SVOPL: variants seen among roughly 807,000 people sequenced by gnomAD.
The protein encoded by SVOPL is putative transporter SVOPL.
In SVOPL, 60 loss-of-function variants were observed where a neutral mutation model predicts 61.0. The observed-to-expected ratio is 0.98, with a 90% CI of 0.80 to 1.22. SVOPL has a LOEUF of 1.22. Ranked by LOEUF, SVOPL falls within the 50% of genes most tolerant of loss-of-function variation. The pLI is 0.00. For missense variants in SVOPL, 662 were observed against 643.9 expected, an observed-to-expected ratio of 1.03 and a Z score of -0.30; for synonymous variants, 279 against 250.0, an observed-to-expected ratio of 1.12 and a Z score of -1.09.
intron 14 of SVOPL, among the ~76,000 whole-genome samples, chr7:138,608,347 A>C (rs1269867553): frequency 6.6e-6 from 1 of 152,252 alleles, no homozygotes; most frequent in Non-Finnish European, 1.5e-5. Flanking sequence ...AATAAAAAGA[A>C]CATGTCAGTG....
At position 138,620,160 on chromosome 7, in the gene SVOPL, G is replaced by A. The variant is rs12669322; in HGVS notation, c.1353+886C>T. The stretch of plus-strand genomic sequence containing the variant: ...TTTTTTGAGATAGAGTCTCACTCTC[G>A]CCCAGCCTAGAGTGCAGTGACGCGA... On this transcript the variant is annotated intron_variant, in intron 14 of 15. Coordinates refer to ENST00000674285, the MANE Select transcript of SVOPL (RefSeq NM_001139456.2). Among the ~76,000 whole-genome samples, 33 of 117,874 alleles carry A rather than the reference G, an allele frequency of 2.8e-4. No homozygotes were observed. The East Asian group carries it at 6.6e-3, about 24-fold the overall frequency. The allele number at this position is 117,874 out of a possible 152,430, so 77.3% of individuals were successfully genotyped here.
intron 14 of SVOPL, among the ~76,000 whole-genome samples, chr7:138,614,426 C>T (rs1427254804): frequency 7.0e-6 from 1 of 143,056 alleles, no homozygotes; most frequent in Middle Eastern, 3.5e-3. Context: ...GACAGAGTGT[C>T]ACTCTGTTGC....
At chr7:138,642,579 C>A (rs1332989438) in intron 9 of SVOPL, among the ~76,000 whole-genome samples, 3 of 151,872 alleles carry the variant, frequency 2.0e-5, no homozygotes, top group African/African-American at 7.3e-5. Context: ...GTAATCCTAG[C>A]ACTTTGGGAG....
chr7:138,668,985 G>T (rs933270410), intron 4 of SVOPL, among the ~76,000 whole-genome samples: 1 of 152,174 alleles, frequency 6.6e-6, no homozygotes, highest in Admixed American at 6.5e-5. Flanking sequence ...CTATTAAGTC[G>T]TTGGGGCCCA....
At chr7:138,690,603 C>A (rs921625649) in intron 1 of SVOPL, among the ~76,000 whole-genome samples, 9 of 152,030 alleles carry the variant, frequency 5.9e-5, no homozygotes, top group African/African-American at 2.2e-4. Context: ...TTCACAGAGA[C>A]AGAAATAGAT....
At chr7:138,683,006 T>C (rs1329600700) in intron 1 of SVOPL, among the ~76,000 whole-genome samples, 1 of 141,584 alleles carries the variant, frequency 7.1e-6, no homozygotes, top group Non-Finnish European at 1.5e-5. Context: ...AAAACAGCAA[T>C]GTGAGAGAGA....
At chr7:138,694,448 G>A (rs1486956477) in intron 1 of SVOPL, among the ~76,000 whole-genome samples, 1 of 152,014 alleles carries the variant, frequency 6.6e-6, no homozygotes, top group Admixed American at 6.6e-5. Context: ...GTTTCACCAT[G>A]TTGGCCAGGC....
rs574696244 is a variant in SVOPL at position 138,635,283 on chromosome 7, A to AG, written c.790-5162_790-5161insC. ...GCAAAACTGTCTCAAAAAAAAAAAA[A>AG]AAGTTAATATGGTAAATTGCTTGTT... On this transcript the variant is annotated intron_variant, in intron 9 of 15. Transcript: ENST00000674285. Among the ~76,000 whole-genome samples the AG allele has an allele frequency of 6.6e-4, 101 of 152,228 alleles. 3 individuals carry two copies. The South Asian group carries it at 0.019, about 29-fold the overall frequency.
chr7:138,619,755 T>C (rs1016386560), intron 14 of SVOPL, among the ~76,000 whole-genome samples: 31 of 152,154 alleles, frequency 2.0e-4, no homozygotes, highest in African/African-American at 7.5e-4. Context: ...TGTATAACCC[T>C]GACTGTGGGC....
At chr7:138,629,123 A>ATGTGTGTGTG (rs1563102341) in intron 10 of SVOPL, among the ~76,000 whole-genome samples, 1 of 78,324 alleles carries the variant, frequency 1.3e-5, no homozygotes, top group African/African-American at 6.3e-5. Context: ...AGCATGTTTT[A>ATGTGTGTGTG]TATATGTGTG....
chr7:138,668,102 C>A (rs1407094301), intron 4 of SVOPL, among the ~76,000 whole-genome samples: 1 of 152,154 alleles, frequency 6.6e-6, no homozygotes, highest in African/African-American at 2.4e-5. Flanking sequence ...CTGGTACCAC[C>A]CAGACCAATA....
chr7:138,629,895 G>A (rs1800094854), intron 10 of SVOPL, among the ~76,000 whole-genome samples, 154 bp downstream of exon 10: 1 of 152,152 alleles, frequency 6.6e-6, no homozygotes, highest in African/African-American at 2.4e-5. Flanking sequence ...TAGTAGTGGT[G>A]GTGTTTGTAG....
At chr7:138,682,934 C>A (rs1802729404) in intron 1 of SVOPL, among the ~76,000 whole-genome samples, 3 of 148,568 alleles carry the variant, frequency 2.0e-5, no homozygotes. Flanking sequence ...AGCCATTGCA[C>A]CCCAGCCTGG....
chr7:138,698,847 G>T (rs1289113361), intron 1 of SVOPL, among the ~76,000 whole-genome samples: 2 of 152,096 alleles, frequency 1.3e-5, no homozygotes, highest in Admixed American at 1.3e-4. Flanking sequence ...ATTTACTCAG[G>T]AAATGTTTTA....
At chr7:138,611,885 C>A (rs1308856590) in intron 14 of SVOPL, among the ~76,000 whole-genome samples, 3 of 72,926 alleles carry the variant, frequency 4.1e-5, no homozygotes, top group South Asian at 5.9e-4. Context: ...GCCACCCCGT[C>A]TGGGAGGTGT....
chr7:138,669,065 G>T (rs561983890), intron 4 of SVOPL, among the ~76,000 whole-genome samples: 1 of 152,290 alleles, frequency 6.6e-6, no homozygotes, highest in Admixed American at 6.5e-5. Flanking sequence ...CAGAATCAAG[G>T]TCCCTCTAAC....
At chr7:138,662,279 G>C in intron 5 of SVOPL, 1 of 985,418 alleles carries the variant, frequency 1.0e-6, no homozygotes, top group Non-Finnish European at 1.2e-6. Context: ...TTCCATCACA[G>C]GCTTTAAAAC....
chr7:138,627,410 A>G lies in SVOPL; in HGVS notation c.1121T>C (p.Leu374Pro). 1 of 1,613,882 alleles carries G rather than the reference A, an allele frequency of 6.2e-7. No homozygotes were observed. The highest frequency in any genetic ancestry group is 8.5e-7 in the Non-Finnish European group (1 of 1,179,742). Residue 374 changes from leucine to proline, a missense_variant, in exon 12 of 16, where the codon CTT becomes CCT. By Grantham distance (98) the Leu-to-Pro change is moderately conservative. Transcript: ENST00000674285. ...GINFLGRRLS[L>P]SITMGCTALF... is the part of the protein sequence containing the mutation. Reference sequence around the variant, plus strand: ...AGCCGTGCATCCCATGGTAATAGAAAGGCTCAGCCGTCTTCCCAGGAAATT... The same window carrying G: ...AGCCGTGCATCCCATGGTAATAGAAGGGCTCAGCCGTCTTCCCAGGAAATT...
intron 9 of SVOPL, among the ~76,000 whole-genome samples, chr7:138,638,611 A>G (rs1356655484): frequency 1.3e-5 from 2 of 151,014 alleles, no homozygotes; most frequent in African/African-American, 4.8e-5. Context: ...AGCTAAAATA[A>G]AAGTTGAAAT....
Sources: gnomAD v4.1 joint callset for allele counts (sites outside exome capture counted in the v4.1 genomes callset) on GRCh38, gnomAD v4.1.1 for gene constraint, MANE v1.5 for transcripts, NCBI Gene and HGNC (gene_info 2026-07-23, HGNC 2026-07-21) for gene names.